Variants in MECOM observed in about 807,000 individuals in gnomAD.
MECOM encodes histone-lysine N-methyltransferase MECOM.
Under a neutral mutation model 116.3 loss-of-function variants are expected in MECOM, and 13 were observed. The observed-to-expected ratio is 0.11, with a 90% CI of 0.07 to 0.18. The LOEUF (loss-of-function observed/expected upper bound fraction) is 0.18, where lower values mean the gene tolerates loss of function less well. Among genes scored for constraint, MECOM ranks in the 10% least tolerant of loss-of-function variants. The probability of loss-of-function intolerance (pLI) is 1.00; values close to 1 mark genes in which losing one functional copy is unlikely to be tolerated. For synonymous variants in MECOM, 528 were observed against 535.2 expected, an observed-to-expected ratio of 0.99 and a Z score of 0.19; for missense variants, 1,299 against 1,509.0, an observed-to-expected ratio of 0.86 and a Z score of 2.31.
chr3:169,289,234 T>A (rs1481907112), intron 2 of MECOM, among the ~76,000 whole-genome samples: 2 of 152,154 alleles, frequency 1.3e-5, no homozygotes, highest in South Asian at 2.1e-4. Flanking sequence ...AAGGTAGAGA[T>A]GAGAAAATTA....
intron 2 of MECOM, among the ~76,000 whole-genome samples, chr3:169,152,040 A>C (rs1741245136): frequency 6.6e-6 from 1 of 152,206 alleles, no homozygotes; most frequent in Admixed American, 6.5e-5. Context: ...TAATTTAATA[A>C]GTATTTTGCA....
At chr3:169,270,596 GT>G (rs1758826712) in intron 2 of MECOM, among the ~76,000 whole-genome samples, 1 of 152,110 alleles carries the variant, frequency 6.6e-6, no homozygotes, top group South Asian at 2.1e-4. Flanking sequence ...ATATTAAAGT[GT>G]TTACAATCTT....
At chr3:169,226,876 T>A (rs1381761048) in intron 2 of MECOM, among the ~76,000 whole-genome samples, 1 of 152,220 alleles carries the variant, frequency 6.6e-6, no homozygotes, top group Non-Finnish European at 1.5e-5. Context: ...TTTTGTTTTT[T>A]GTATACAGGG....
intron 2 of MECOM, among the ~76,000 whole-genome samples, chr3:169,177,320 C>A (rs1034367828): frequency 2.6e-5 from 4 of 152,104 alleles, no homozygotes; most frequent in African/African-American, 9.7e-5. Flanking sequence ...TTTGCAGGGA[C>A]ATGGATGAAG....
At chr3:169,412,187 G>A (rs899827490) in intron 1 of MECOM, among the ~76,000 whole-genome samples, 1 of 151,382 alleles carries the variant, frequency 6.6e-6, no homozygotes, top group African/African-American at 2.4e-5. Flanking sequence ...TTGGGAGGCT[G>A]AGGCGGGAAA....
At chr3:169,201,015 A>G (rs760697627) in intron 2 of MECOM, among the ~76,000 whole-genome samples, 1 of 152,170 alleles carries the variant, frequency 6.6e-6, no homozygotes, top group African/African-American at 2.4e-5. Flanking sequence ...TCTGCAATAT[A>G]CATTTACCCT....
chr3:169,239,737 A>G (rs1238810853), intron 2 of MECOM, among the ~76,000 whole-genome samples: 1 of 152,142 alleles, frequency 6.6e-6, no homozygotes, highest in African/African-American at 2.4e-5. Flanking sequence ...AAGAATAGAA[A>G]CCTCAGTTAC....
intron 1 of MECOM, among the ~76,000 whole-genome samples, chr3:169,631,731 G>A (rs150519824): frequency 6.6e-6 from 1 of 150,884 alleles, no homozygotes; most frequent in East Asian, 2.0e-4. Flanking sequence ...TTGTTCTTGC[G>A]ATAGTTTACC....
intron 1 of MECOM, among the ~76,000 whole-genome samples, chr3:169,470,595 A>C (rs1749061397): frequency 6.6e-6 from 1 of 152,158 alleles, no homozygotes; most frequent in Non-Finnish European, 1.5e-5. Context: ...GGCAAGAGGG[A>C]AGAAAGTGAT....
intron 2 of MECOM, among the ~76,000 whole-genome samples, chr3:169,220,599 C>T (rs1285179282): frequency 2.0e-5 from 3 of 152,054 alleles, no homozygotes; most frequent in Admixed American, 2.0e-4. Flanking sequence ...CCCAGCCCCC[C>T]AAGTAGCTAG....
chr3:169,126,356 C>T (rs1340330013), intron 5 of MECOM, among the ~76,000 whole-genome samples: 3 of 152,082 alleles, frequency 2.0e-5, no homozygotes, highest in African/African-American at 7.2e-5. Flanking sequence ...TATAACACAA[C>T]TGAAGGAAAT....
In MECOM at chr3:169,131,324, A is replaced by C. The variant is rs912313645; in HGVS notation, c.613+105T>G. On this transcript the variant is annotated intron_variant, in intron 4 of 16. Transcript: ENST00000651503. ...AAGGAACTTGTTGAAACTGACATTG[A>C]AAAGCCAGGGAAACTAACAAACACC... 45 of 1,007,866 alleles carry C rather than the reference A, an allele frequency of 4.5e-5. No individual in the cohort carries two copies. In the African/African-American group the frequency reaches 5.8e-4, roughly 13 times the overall value. 62.4% of individuals were successfully genotyped at this position (1,007,866 alleles called of 1,614,324 possible). A position where few individuals can be genotyped will look rare whatever the true frequency, so the allele number is the denominator to read the frequency against.
At chr3:169,310,583 G>A (rs1718562176) in intron 2 of MECOM, among the ~76,000 whole-genome samples, 1 of 152,208 alleles carries the variant, frequency 6.6e-6, no homozygotes, top group South Asian at 2.1e-4. Context: ...ATTTTGGCGT[G>A]TGTATCTATT....
intron 1 of MECOM, among the ~76,000 whole-genome samples, chr3:169,397,306 T>C (rs9855509): frequency 0.061 from 9,242 of 152,232 alleles, 622 homozygotes; most frequent in African/African-American, 0.16. Flanking sequence ...AGGAAACAGC[T>C]TGGGCTAAAC....
intron 2 of MECOM, among the ~76,000 whole-genome samples, chr3:169,164,775 G>A (rs190582013): frequency 9.0e-4 from 137 of 152,262 alleles, no homozygotes; most frequent in African/African-American, 3.2e-3. Context: ...ATAGCTCAGG[G>A]AAGGTCATTT....
At chr3:169,497,039 T>G (rs1430300763) in intron 1 of MECOM, among the ~76,000 whole-genome samples, 1 of 152,140 alleles carries the variant, frequency 6.6e-6, no homozygotes, top group Non-Finnish European at 1.5e-5. Context: ...TGAAAAAGAG[T>G]TTATAAATTC....
At chr3:169,600,111 A>G (rs868444448) in intron 1 of MECOM, among the ~76,000 whole-genome samples, 23 of 152,234 alleles carry the variant, frequency 1.5e-4, no homozygotes, top group African/African-American at 5.3e-4. Flanking sequence ...AGCTGGGATT[A>G]GCTGTGTGTG....
At chr3:169,201,563 C>G (rs936133605) in intron 2 of MECOM, among the ~76,000 whole-genome samples, 48 of 152,120 alleles carry the variant, frequency 3.2e-4, no homozygotes, top group Admixed American at 3.1e-3. Flanking sequence ...CAATCAAGGT[C>G]TCTATGAAGT....
intron 12 of MECOM, 44 bp from the exon 13 acceptor site, chr3:169,095,289 G>A (rs760399228): frequency 2.6e-6 from 4 of 1,547,264 alleles, no homozygotes; most frequent in African/African-American, 1.4e-5. Flanking sequence ...CACATTAAAA[G>A]GTATTTCTCA....
Sources: gnomAD v4.1 joint callset for allele counts (sites outside exome capture counted in the v4.1 genomes callset) on GRCh38, gnomAD v4.1.1 for gene constraint, MANE v1.5 for transcripts, NCBI Gene and HGNC (gene_info 2026-07-23, HGNC 2026-07-21) for gene names.